INPP5K: variants seen among roughly 807,000 people sequenced by gnomAD.
INPP5K encodes the protein inositol polyphosphate 5-phosphatase K.
Under a neutral mutation model 53.5 loss-of-function variants are expected in INPP5K, and 35 were observed. That is an observed-to-expected ratio of 0.65 (90% CI 0.50 to 0.87). INPP5K has a LOEUF of 0.87. Ranked by LOEUF, INPP5K falls within the 40% of genes least tolerant of loss-of-function variation. The pLI is 0.00. For missense variants in INPP5K, 550 were observed against 586.2 expected (o/e 0.94, Z 0.64); for synonymous variants, 253 against 232.8 (o/e 1.09, Z -0.79).
At position 1,496,132 on chromosome 17, in the gene INPP5K, A is replaced by G; in HGVS notation, c.1218T>C (p.Thr406=). ...VYIDISNIPT[T]EDEFLLCYYS... ...AGTAACAGAGGAGAAACTCATCTTC[A>G]GTGGTAGGGATATTGCTGATGTCGA... Residue 406 remains threonine, a synonymous_variant, in exon 11 of 12, where the codon ACT becomes ACC. Transcript: ENST00000421807. 6.2e-7 allele frequency: 1 copy of G among 1,613,318 alleles called. No individual in the cohort carries two copies. The highest frequency in any genetic ancestry group is 8.5e-7 in the Non-Finnish European group (1 of 1,179,282).
At chr17:1,509,006 G>A (rs1157685767) in intron 5 of INPP5K, 172 bp downstream of exon 5, 8 of 546,356 alleles carry the variant, frequency 1.5e-5, no homozygotes, top group African/African-American at 2.8e-5. Flanking sequence ...CACTCGTGGC[G>A]GTCAGCGTGG....
intron 7 of INPP5K, among the ~76,000 whole-genome samples, chr17:1,500,601 G>A (rs989938034): frequency 2.6e-5 from 4 of 152,138 alleles, no homozygotes; most frequent in African/African-American, 4.8e-5. Context: ...TCCTGACCTC[G>A]TGATCTGCTC....
intron 1 of INPP5K, 131 bp downstream of exon 1, chr17:1,516,325 G>T: frequency 9.2e-7 from 1 of 1,083,654 alleles, no homozygotes; most frequent in Non-Finnish European, 1.3e-6. Flanking sequence ...ACACAGGCGT[G>T]GGAGAAGGCG....
chr17:1,509,075 C>T, intron 5 of INPP5K, 103 bp downstream of exon 5: 2 of 960,458 alleles, frequency 2.1e-6, no homozygotes, highest in Non-Finnish European at 3.0e-6. Context: ...CAGCGTGGGG[C>T]AGAGGGCGGG....
In INPP5K at chr17:1,495,729, G is replaced by T; in HGVS notation, c.*94C>A. The T allele has an allele frequency of 4.7e-6, 4 of 858,130 alleles. No individual in the cohort carries two copies. Among genetic ancestry groups the T allele is most frequent in the Non-Finnish European group, 7.6e-6 (4 of 529,480 alleles). 53.2% of individuals were successfully genotyped at this position (858,130 alleles called of 1,614,324 possible). ...TGGACGACACTTGGCTGTCTCTTCA[G>T]GGGGCCAGGCTGGGCCCCCAGCACT... On this transcript the variant is annotated 3_prime_UTR_variant, in exon 12 of 12. Transcript: ENST00000421807.
intron 5 of INPP5K, 113 bp from the exon 6 acceptor site, chr17:1,508,339 G>C (rs1009041830): frequency 1.2e-6 from 1 of 808,856 alleles, no homozygotes; most frequent in African/African-American, 1.7e-5. Flanking sequence ...GAAAACCTGA[G>C]GGGCAAGTGA....
chr17:1,507,369 G>A, intron 6 of INPP5K: 1 of 424,192 alleles, frequency 2.4e-6, no homozygotes, highest in South Asian at 4.1e-5. Context: ...ATCTCTAGGG[G>A]AGATCACTAG....
chr17:1,501,240 G>T, intron 7 of INPP5K, among the ~76,000 whole-genome samples: 1 of 152,346 alleles, frequency 6.6e-6, no homozygotes, highest in Non-Finnish European at 1.5e-5. Flanking sequence ...TTATAGGCGT[G>T]AGCCACCGTG....
intron 7 of INPP5K, among the ~76,000 whole-genome samples, chr17:1,501,849 TCTA>T (rs2150982571): frequency 6.8e-6 from 1 of 147,332 alleles, no homozygotes; most frequent in East Asian, 2.0e-4. Context: ...AAACCCCGTC[TCTA>T]CTAAAAACAC....
intron 1 of INPP5K, 124 bp downstream of exon 1, chr17:1,516,332 G>T: frequency 8.8e-7 from 1 of 1,141,830 alleles, no homozygotes; most frequent in Non-Finnish European, 1.2e-6. Context: ...CGTGGGAGAA[G>T]GCGAGAGCGC....
At chr17:1,501,838 G>A (rs1208347669) in intron 7 of INPP5K, among the ~76,000 whole-genome samples, 1 of 150,806 alleles carries the variant, frequency 6.6e-6, no homozygotes, top group African/African-American at 2.5e-5. Flanking sequence ...CCAACATGGT[G>A]AAACCCCGTC....
intron 1 of INPP5K, among the ~76,000 whole-genome samples, chr17:1,515,205 G>C (rs376907376): frequency 5.9e-5 from 9 of 152,228 alleles, no homozygotes; most frequent in African/African-American, 1.9e-4. Context: ...CACCGCGCCC[G>C]GCCAAGGAGT....
rs2074860827 is a variant in INPP5K, at chr17:1,496,789, C to T, written c.978G>A (p.Val326=). 1.2e-6 allele frequency: 2 copies of T among 1,614,122 alleles called. No individual in the cohort carries two copies. Among genetic ancestry groups the T allele is most frequent in the African/African-American group, 1.3e-5 (1 of 75,048 alleles). The change falls in exon 9 of 12, where the codon GTG becomes GTA. Residue 326 remains valine, a synonymous_variant. Coordinates refer to ENST00000421807, the MANE Select transcript of INPP5K (RefSeq NM_016532.4). The part of the protein sequence containing the change: ...GTFDLELKPL[V]SAPLIVLMPE... ...GCATCAGGACGATCAGCGGAGCAGA[C>T]ACCAATGGCTTCAGCTAGACACGGG... is the stretch of plus-strand genomic sequence containing the variant.
chr17:1,513,393 G>C, intron 3 of INPP5K, 60 bp downstream of exon 3: 1 of 1,243,374 alleles, frequency 8.0e-7, no homozygotes, highest in Non-Finnish European at 1.2e-6. Context: ...GACCCAACAA[G>C]CAGGGGTCAG....
rs990176357 is a variant in INPP5K at position 1,515,885 on chromosome 17, C to T, written c.44+571G>A. On this transcript the variant is annotated intron_variant, in intron 1 of 11. Transcript: ENST00000421807. ...ACTCAGAGACTTCTTTTCCCAGACT[C>T]ACTCTAAGAGGATGGAGAGCAAAAG... 4 of 982,740 alleles carry T rather than the reference C, an allele frequency of 4.1e-6. No individual in the cohort carries two copies. In the South Asian group the frequency reaches 1.4e-4, roughly 34 times the overall value. 60.9% of individuals were successfully genotyped at this position (982,740 alleles called of 1,614,324 possible).
chr17:1,508,563 G>T, intron 5 of INPP5K: 1 of 328,174 alleles, frequency 3.0e-6, no homozygotes, highest in East Asian at 7.7e-5. Flanking sequence ...CAAGTGTTCA[G>T]GGTTTCTAAG....
At chr17:1,506,170 C>T (rs1474213482) in intron 7 of INPP5K, among the ~76,000 whole-genome samples, 4 of 152,060 alleles carry the variant, frequency 2.6e-5, no homozygotes, top group Admixed American at 6.6e-5. Flanking sequence ...ATTACAGGTG[C>T]GCGCTACCAT....
intron 7 of INPP5K, among the ~76,000 whole-genome samples, chr17:1,504,565 T>G (rs915815914): frequency 1.3e-5 from 2 of 152,212 alleles, no homozygotes; most frequent in African/African-American, 4.8e-5. Context: ...TACCGAAGGC[T>G]CATGAGTCTA....
rs2075445812 is a variant in INPP5K at position 1,516,583 on chromosome 17, C to G, written c.-84G>C. ...CCGGCCAGAGCAGCCCTGCGGGCGGCCGGTCTCACGCGCCTAGCTGTCGCG... is the reference window on the plus strand; with the variant it reads ...CCGGCCAGAGCAGCCCTGCGGGCGGGCGGTCTCACGCGCCTAGCTGTCGCG... On this transcript the variant is annotated 5_prime_UTR_variant, in exon 1 of 12. Transcript: ENST00000421807. 2 of 1,438,912 alleles carry G rather than the reference C, an allele frequency of 1.4e-6. No individual in the cohort carries two copies. Among genetic ancestry groups the G allele is most frequent in the African/African-American group, 3.0e-5 (2 of 66,936 alleles). 89.1% of individuals were successfully genotyped at this position (1,438,912 alleles called of 1,614,324 possible).
Sources: allele counts gnomAD v4.1 joint callset (sites outside exome capture counted in the v4.1 genomes callset), GRCh38; gene constraint gnomAD v4.1.1; transcripts MANE v1.5; gene names NCBI Gene and HGNC (gene_info 2026-07-23, HGNC 2026-07-21).